HS2ST1: variants seen among roughly 807,000 people sequenced by gnomAD.
HS2ST1 encodes 2-O-sulfotransferase.
HS2ST1 carries 18 observed loss-of-function variants against 42.9 expected under a neutral mutation model. The ratio of observed to expected loss-of-function variants is 0.42; its 90% CI spans 0.29 to 0.62. HS2ST1 has a LOEUF of 0.62. Among genes scored for constraint, HS2ST1 ranks in the 20% least tolerant of loss-of-function variants. The probability of loss-of-function intolerance (pLI) is 0.21; values close to 1 mark genes in which losing one functional copy is unlikely to be tolerated. For missense variants in HS2ST1, 334 were observed against 433.8 expected (o/e 0.77, Z 2.04); for synonymous variants, 146 against 152.9 (o/e 0.95, Z 0.33).
rs998125292 is a variant in HS2ST1, at chr1:87,032,457, T to G, written c.125-40477T>G. Among the ~76,000 whole-genome samples the G allele has an allele frequency of 2.6e-5, 4 of 152,312 alleles. No individual in the cohort carries two copies. The South Asian group carries it at 8.3e-4, about 32-fold the overall frequency. ...TGCTGATTTAATACAAAGTTCATTC[T>G]GAACCCCCACTGTCAAAATAAATTA... On this transcript the variant is annotated intron_variant, in intron 1 of 6. Coordinates refer to ENST00000370550, the MANE Select transcript of HS2ST1 (RefSeq NM_012262.4).
intron 1 of HS2ST1, among the ~76,000 whole-genome samples, chr1:86,983,293 A>G (rs1376428604): frequency 1.3e-5 from 2 of 152,230 alleles, no homozygotes; most frequent in Non-Finnish European, 2.9e-5. Flanking sequence ...TGGGTAATTT[A>G]TAAAAGAAAG....
intron 1 of HS2ST1, chr1:87,045,855 T>C (rs1650643278): frequency 1.4e-6 from 1 of 722,676 alleles, no homozygotes; most frequent in Non-Finnish European, 2.6e-6. Context: ...TTCTGCTAAA[T>C]GAACTCTCAG....
chr1:86,967,828 C>T (rs868328679), intron 1 of HS2ST1, among the ~76,000 whole-genome samples: 1 of 152,138 alleles, frequency 6.6e-6, no homozygotes, highest in African/African-American at 2.4e-5. Context: ...AGTGGGATTG[C>T]TGGATTGAAT....
intron 1 of HS2ST1, among the ~76,000 whole-genome samples, chr1:87,066,974 T>C (rs1360224944): frequency 1.3e-5 from 2 of 152,226 alleles, no homozygotes; most frequent in Non-Finnish European, 2.9e-5. Context: ...CTATCATTGA[T>C]GGGGATTTGG....
At chr1:87,101,149 G>GTTTGTTTT (rs1652190499) in intron 5 of HS2ST1, among the ~76,000 whole-genome samples, 1 of 59,540 alleles carries the variant, frequency 1.7e-5, no homozygotes, top group Non-Finnish European at 3.0e-5. Flanking sequence ...GTGTGTGTGT[G>GTTTGTTTT]TTTTTTGTTT....
chr1:86,998,679 A>G (rs1649180615), intron 1 of HS2ST1, among the ~76,000 whole-genome samples: 3 of 152,158 alleles, frequency 2.0e-5, no homozygotes, highest in Admixed American at 2.0e-4. Flanking sequence ...TTTCTGAAGT[A>G]CCTTTAAATC....
At chr1:86,922,573 A>G (rs887066669) in intron 1 of HS2ST1, among the ~76,000 whole-genome samples, 1 of 151,984 alleles carries the variant, frequency 6.6e-6, no homozygotes, top group Non-Finnish European at 1.5e-5. Context: ...TTTATTTGCT[A>G]TAGTGTTTGA....
At chr1:87,086,856 G>T (rs1651829218) in intron 3 of HS2ST1, among the ~76,000 whole-genome samples, 1 of 151,336 alleles carries the variant, frequency 6.6e-6, no homozygotes, top group Middle Eastern at 3.4e-3. Context: ...TCCCTTTAAT[G>T]TTAGGTTATG....
chr1:87,095,128 C>CT (rs1652031263), intron 4 of HS2ST1, among the ~76,000 whole-genome samples: 3 of 152,010 alleles, frequency 2.0e-5, no homozygotes, highest in Admixed American at 2.0e-4. Context: ...TCCTTAATAT[C>CT]TTTAACTAGC....
At chr1:87,066,372 A>G (rs1296309711) in intron 1 of HS2ST1, among the ~76,000 whole-genome samples, 3 of 152,250 alleles carry the variant, frequency 2.0e-5, no homozygotes, top group South Asian at 2.1e-4. Flanking sequence ...CTGCAATTTC[A>G]TGACTCCTAC....
At chr1:87,074,267 G>T (rs1651485618) in intron 2 of HS2ST1, among the ~76,000 whole-genome samples, 1 of 152,152 alleles carries the variant, frequency 6.6e-6, no homozygotes, top group Non-Finnish European at 1.5e-5. Context: ...AACATGAGTT[G>T]TTTTTAGCTA....
intron 1 of HS2ST1, among the ~76,000 whole-genome samples, chr1:87,027,287 A>G (rs1476278687): frequency 1.3e-5 from 2 of 152,224 alleles, no homozygotes; most frequent in African/African-American, 2.4e-5. Context: ...TTCATGCCCT[A>G]ACTTATTCAC....
At chr1:86,954,840 A>C (rs1349219560) in intron 1 of HS2ST1, among the ~76,000 whole-genome samples, 1 of 152,198 alleles carries the variant, frequency 6.6e-6, no homozygotes, top group Non-Finnish European at 1.5e-5. Flanking sequence ...TGATAGGAAC[A>C]TTAGAGTACA....
chr1:86,992,221 C>A (rs1648973121), intron 1 of HS2ST1, among the ~76,000 whole-genome samples: 1 of 142,122 alleles, frequency 7.0e-6, no homozygotes, highest in Non-Finnish European at 1.5e-5. Flanking sequence ...CACCCCTGTT[C>A]TGTGAAAAAA....
chr1:86,982,659 C>T (rs11161916), intron 1 of HS2ST1, among the ~76,000 whole-genome samples: 108,171 of 151,792 alleles, frequency 0.71, 40,232 homozygotes, highest in East Asian at 0.97. Context: ...GGACTACAAG[C>T]GCCCACCACC....
chr1:87,033,552 T>C (rs550198705), intron 1 of HS2ST1, among the ~76,000 whole-genome samples: 13 of 152,154 alleles, frequency 8.5e-5, no homozygotes, highest in Non-Finnish European at 1.8e-4. Context: ...TGTTTGTTTG[T>C]TTGTTTTTTA....
chr1:87,101,200 C>CT (rs1652196901), intron 5 of HS2ST1, among the ~76,000 whole-genome samples: 1 of 108,308 alleles, frequency 9.2e-6, no homozygotes, highest in African/African-American at 3.5e-5. Flanking sequence ...CAGTCTCACT[C>CT]TGTCAGCCAG....
chr1:87,045,076 C>A lies in HS2ST1; in HGVS notation c.125-27858C>A, dbSNP rs181483699. The A allele has an allele frequency of 6.8e-3, 7,040 of 1,037,374 alleles. 43 individuals carry two copies. Among genetic ancestry groups the A allele is most frequent in the Non-Finnish European group, 9.2e-3 (6,050 of 660,614 alleles). 64.3% of individuals were successfully genotyped at this position (1,037,374 alleles called of 1,614,324 possible). A position where few individuals can be genotyped will look rare whatever the true frequency, so the allele number is the denominator to read the frequency against. ...GCATTCTTTGAAGAATCTTCTTCAT[C>A]CGAATCAACTGTGAGAACATCATCT... On this transcript the variant is annotated intron_variant, in intron 1 of 6. Transcript: ENST00000370550.
At chr1:86,978,861 CTTTTT>C (rs55812524) in intron 1 of HS2ST1, among the ~76,000 whole-genome samples, 1 of 98,672 alleles carries the variant, frequency 1.0e-5, no homozygotes. Context: ...ACTTGTGAAT[CTTTTT>C]TTTTTTTTTT....
Sources: gnomAD v4.1 joint callset for allele counts (sites outside exome capture counted in the v4.1 genomes callset) on GRCh38, gnomAD v4.1.1 for gene constraint, MANE v1.5 for transcripts, NCBI Gene and HGNC (gene_info 2026-07-23, HGNC 2026-07-21) for gene names.